The following FOXN3 variants were observed in gnomAD, a reference collection of about 807,000 sequenced individuals.
The protein encoded by FOXN3 is forkhead box protein N3.
Under a neutral mutation model 38.4 loss-of-function variants are expected in FOXN3, and 7 were observed. That is an observed-to-expected ratio of 0.18 (90% CI 0.10 to 0.34). FOXN3 has a LOEUF of 0.34. Ranked by LOEUF, FOXN3 falls within the 10% of genes least tolerant of loss-of-function variation. FOXN3 has a pLI of 1.00. For missense variants in FOXN3, 456 were observed against 613.4 expected, an observed-to-expected ratio of 0.74 and a Z score of 2.71; for synonymous variants, 230 against 242.2, an observed-to-expected ratio of 0.95 and a Z score of 0.47.
At chr14:89,202,103 G>A (rs930865339) in intron 4 of FOXN3, among the ~76,000 whole-genome samples, 2 of 152,174 alleles carry the variant, frequency 1.3e-5, no homozygotes, top group Non-Finnish European at 2.9e-5. Flanking sequence ...GTGCTTCAAG[G>A]CACACACTAA....
intron 1 of FOXN3, among the ~76,000 whole-genome samples, chr14:89,503,798 G>A (rs1311774447): frequency 1.3e-5 from 2 of 152,086 alleles, no homozygotes; most frequent in African/African-American, 4.8e-5. Context: ...TGTCTCACCG[G>A]GCATATTAAC....
chr14:89,251,577 G>A (rs1274027836), intron 4 of FOXN3, among the ~76,000 whole-genome samples: 1 of 152,234 alleles, frequency 6.6e-6, no homozygotes, highest in African/African-American at 2.4e-5. Flanking sequence ...GTGGATTTCA[G>A]TTACTTTACT....
intron 4 of FOXN3, among the ~76,000 whole-genome samples, chr14:89,268,145 T>C (rs1372249390): frequency 6.6e-6 from 1 of 152,214 alleles, no homozygotes; most frequent in African/African-American, 2.4e-5. Context: ...TGCTCGACTT[T>C]AAGCTTCTGT....
At chr14:89,386,360 T>A (rs1311841128) in intron 2 of FOXN3, among the ~76,000 whole-genome samples, 1 of 152,242 alleles carries the variant, frequency 6.6e-6, no homozygotes, top group Admixed American at 6.5e-5. Flanking sequence ...GACACACATG[T>A]GGTCTCCCAT....
intron 3 of FOXN3, among the ~76,000 whole-genome samples, chr14:89,333,656 G>A (rs1024587531): frequency 6.6e-6 from 1 of 150,534 alleles, no homozygotes; most frequent in Non-Finnish European, 1.5e-5. Flanking sequence ...CAGCTAACTG[G>A]GAGGCTGAGG....
intron 1 of FOXN3, among the ~76,000 whole-genome samples, chr14:89,463,197 G>A (rs1892891477): frequency 6.6e-6 from 1 of 151,548 alleles, no homozygotes; most frequent in South Asian, 2.1e-4. Context: ...GCTGTGGCAG[G>A]AGAATGGCAT....
At chr14:89,474,684 CACAG>C (rs1893174306) in intron 1 of FOXN3, among the ~76,000 whole-genome samples, 1 of 152,054 alleles carries the variant, frequency 6.6e-6, no homozygotes, top group South Asian at 2.1e-4. Context: ...CAGTTGAACA[CACAG>C]ACAACCAGAG....
intron 1 of FOXN3, among the ~76,000 whole-genome samples, chr14:89,549,258 T>G (rs1278872959): frequency 6.7e-6 from 1 of 149,944 alleles, no homozygotes; most frequent in Non-Finnish European, 1.5e-5. Context: ...TGGTAATTTT[T>G]AAAGTCCTTA....
intron 1 of FOXN3, among the ~76,000 whole-genome samples, chr14:89,441,944 T>TTTTG (rs1892394354): frequency 1.0e-5 from 1 of 99,650 alleles, no homozygotes; most frequent in African/African-American, 3.5e-5. Flanking sequence ...TTTTTTTTTT[T>TTTTG]GAGATGGAGT....
intron 1 of FOXN3, among the ~76,000 whole-genome samples, chr14:89,453,156 G>A (rs566303946): frequency 2.0e-5 from 3 of 152,100 alleles, no homozygotes; most frequent in African/African-American, 7.2e-5. Flanking sequence ...CCGAGACGGC[G>A]CCATTGCACT....
At chr14:89,586,625 C>T (rs1895848882) in intron 1 of FOXN3, among the ~76,000 whole-genome samples, 1 of 152,172 alleles carries the variant, frequency 6.6e-6, no homozygotes, top group Non-Finnish European at 1.5e-5. Flanking sequence ...TTGCTTATGC[C>T]TCTATCTTAG....
At chr14:89,321,492 G>A (rs1462662517) in intron 3 of FOXN3, among the ~76,000 whole-genome samples, 6 of 152,196 alleles carry the variant, frequency 3.9e-5, no homozygotes, top group Admixed American at 2.0e-4. Flanking sequence ...CAGGACAATT[G>A]CTTGAACCTG....
chr14:89,462,161 T>G (rs1892861696), intron 1 of FOXN3, among the ~76,000 whole-genome samples: 1 of 152,176 alleles, frequency 6.6e-6, no homozygotes. Flanking sequence ...ACCCCTCTAT[T>G]GTAGGAAGGG....
chr14:89,518,471 C>T (rs1285400195), intron 1 of FOXN3, among the ~76,000 whole-genome samples: 1 of 152,164 alleles, frequency 6.6e-6, no homozygotes, highest in Non-Finnish European at 1.5e-5. Context: ...CTTGGGGATA[C>T]AGAATTGGGA....
At chr14:89,168,548 G>A (rs1029614110) in intron 5 of FOXN3, among the ~76,000 whole-genome samples, 10 of 152,154 alleles carry the variant, frequency 6.6e-5, no homozygotes, top group African/African-American at 2.4e-4. Context: ...TTGTTAGATG[G>A]ACCTGAAGAT....
chr14:89,186,892 T>C (rs1391138329), intron 4 of FOXN3, among the ~76,000 whole-genome samples: 3 of 152,308 alleles, frequency 2.0e-5, no homozygotes, highest in South Asian at 2.1e-4. Flanking sequence ...CTGGGCTCCC[T>C]TGGGGCAACA....
At chr14:89,504,320 G>A (rs1893864430) in intron 1 of FOXN3, among the ~76,000 whole-genome samples, 1 of 152,264 alleles carries the variant, frequency 6.6e-6, no homozygotes. Context: ...GCATTGCCAT[G>A]GGGTAAGTCC....
chr14:89,288,529 T>TC (rs1886708464), intron 3 of FOXN3, among the ~76,000 whole-genome samples: 1 of 87,050 alleles, frequency 1.1e-5, no homozygotes, highest in African/African-American at 3.6e-5. Flanking sequence ...AAAAATGATG[T>TC]TTACTATCAA....
intron 4 of FOXN3, among the ~76,000 whole-genome samples, chr14:89,220,704 G>A (rs1186156398): frequency 6.6e-6 from 1 of 152,138 alleles, no homozygotes; most frequent in African/African-American, 2.4e-5. Flanking sequence ...GCATCTCTCT[G>A]GGGCTGACCT....
Sources: allele counts gnomAD v4.1 joint callset (sites outside exome capture counted in the v4.1 genomes callset), GRCh38; gene constraint gnomAD v4.1.1; transcripts MANE v1.5; gene names NCBI Gene and HGNC (gene_info 2026-07-23, HGNC 2026-07-21).